Variants in GNAO1 observed in about 807,000 individuals in gnomAD.
GNAO1 encodes the protein guanine nucleotide-binding protein G(o) subunit alpha.
For missense variants in GNAO1, 166 were observed against 478.7 expected, an observed-to-expected ratio of 0.35 and a Z score of 6.10; for synonymous variants, 164 against 180.7, an observed-to-expected ratio of 0.91 and a Z score of 0.74.
At chr16:56,239,751 C>T (rs1337941021) in intron 2 of GNAO1, among the ~76,000 whole-genome samples, 1 of 152,190 alleles carries the variant, frequency 6.6e-6, no homozygotes, top group Non-Finnish European at 1.5e-5. Flanking sequence ...ACGCTAGATC[C>T]TTATAAATGT....
chr16:56,309,021 T>C (rs193184588), intron 3 of GNAO1, among the ~76,000 whole-genome samples: 2 of 152,164 alleles, frequency 1.3e-5, no homozygotes, highest in Admixed American at 1.3e-4. Flanking sequence ...TTTAGAGGCT[T>C]GGGAGGAAGC....
chr16:56,353,320 G>C (rs904608731), intron 7 of GNAO1: 14 of 152,272 alleles, frequency 9.2e-5, no homozygotes, highest in Non-Finnish European at 2.1e-4. Context: ...TGACTTGGGA[G>C]TGGCCAGTCT....
At chr16:56,288,857 C>T (rs1442378085) in intron 3 of GNAO1, among the ~76,000 whole-genome samples, 1 of 152,098 alleles carries the variant, frequency 6.6e-6, no homozygotes, top group African/African-American at 2.4e-5. Flanking sequence ...GACCTCAGGC[C>T]CATCCCTTAC....
intron 6 of GNAO1, among the ~76,000 whole-genome samples, chr16:56,343,303 A>G (rs1203642133): frequency 6.6e-6 from 1 of 151,362 alleles, no homozygotes; most frequent in African/African-American, 2.4e-5. Context: ...AGCCTGGCCA[A>G]CATAGTGAGA....
chr16:56,199,593 C>T (rs1414464741), intron 2 of GNAO1, among the ~76,000 whole-genome samples: 1 of 152,218 alleles, frequency 6.6e-6, no homozygotes, highest in African/African-American at 2.4e-5. Flanking sequence ...TTTTGATTCA[C>T]TCTCTCATTT....
intron 3 of GNAO1, among the ~76,000 whole-genome samples, chr16:56,291,590 C>T (rs2037232904): frequency 6.6e-6 from 1 of 152,164 alleles, no homozygotes; most frequent in African/African-American, 2.4e-5. Context: ...GAAGTCTCAC[C>T]TCATTCTGCC....
At chr16:56,334,563 C>A (rs2037721827) in intron 4 of GNAO1, among the ~76,000 whole-genome samples, 166 bp from the exon 5 acceptor site, 1 of 152,226 alleles carries the variant, frequency 6.6e-6, no homozygotes, top group Non-Finnish European at 1.5e-5. Flanking sequence ...AGACCCACTT[C>A]CTCAGTCGCC....
intron 5 of GNAO1, 89 bp downstream of exon 5, chr16:56,334,946 C>A: frequency 7.2e-7 from 1 of 1,396,114 alleles, no homozygotes; most frequent in South Asian, 1.2e-5. Context: ...AGCGCCCAAA[C>A]ATCATCCTGC....
chr16:56,277,244 C>T (rs1222943459), intron 3 of GNAO1, among the ~76,000 whole-genome samples: 1 of 152,166 alleles, frequency 6.6e-6, no homozygotes, highest in Non-Finnish European at 1.5e-5. Context: ...GCCCATCTGC[C>T]GCTCCTCCTG....
In GNAO1 at chr16:56,345,951, C is replaced by T. The variant is rs1011818719; in HGVS notation, c.724-5433C>T. ...AGGGCTCTCCATGTCCCCCAGCAGC[C>T]GCCCTCAGAACACAGTGGCCAGAGC... On this transcript the variant is annotated intron_variant, in intron 6 of 8. Coordinates refer to ENST00000262493, the MANE Select transcript of GNAO1 (RefSeq NM_020988.3). 22 of 985,428 alleles carry T rather than the reference C, an allele frequency of 2.2e-5. No individual in the cohort carries two copies. In the African/African-American group the frequency reaches 2.6e-4, roughly 12 times the overall value. 61.0% of individuals were successfully genotyped at this position (985,428 alleles called of 1,614,324 possible).
At chr16:56,256,716 CTCTGTGTGTGTGTGTGTG>C (rs1233993506) in intron 2 of GNAO1, among the ~76,000 whole-genome samples, 27 of 90,364 alleles carry the variant, frequency 3.0e-4, no homozygotes, top group East Asian at 2.0e-3. Context: ...CTCTCTCTCT[CTCTGTGTGTGTGTGTGTG>C]TGTGTGTGTG....
chr16:56,248,025 CAG>C (rs1342418665), intron 2 of GNAO1, among the ~76,000 whole-genome samples: 7 of 152,212 alleles, frequency 4.6e-5, no homozygotes, highest in Non-Finnish European at 8.8e-5. Flanking sequence ...TCTTTGGGGA[CAG>C]GGGATTTTGA....
At chr16:56,251,527 C>T (rs2036799868) in intron 2 of GNAO1, among the ~76,000 whole-genome samples, 2 of 152,140 alleles carry the variant, frequency 1.3e-5, no homozygotes, top group East Asian at 1.9e-4. Context: ...TCCCATTCTG[C>T]TGAAATGGGT....
chr16:56,284,850 G>T (rs1379497150), intron 3 of GNAO1, among the ~76,000 whole-genome samples: 2 of 152,244 alleles, frequency 1.3e-5, no homozygotes, highest in African/African-American at 4.8e-5. Context: ...GTCCAGGGAA[G>T]AAAGGATGAA....
chr16:56,344,887 G>T (rs1175539719), intron 6 of GNAO1: 1 of 985,356 alleles, frequency 1.0e-6, no homozygotes, highest in Non-Finnish European at 1.2e-6. Flanking sequence ...CAGAGGTCTA[G>T]AGGGGGTGGA....
intron 3 of GNAO1, among the ~76,000 whole-genome samples, chr16:56,304,933 G>A (rs1399055870): frequency 5.3e-5 from 8 of 152,254 alleles, no homozygotes; most frequent in Admixed American, 2.0e-4. Context: ...ATCAGCACTC[G>A]TTTCTCCAGT....
intron 4 of GNAO1, among the ~76,000 whole-genome samples, chr16:56,330,919 G>A (rs757480067): frequency 1.3e-5 from 2 of 152,310 alleles, no homozygotes; most frequent in East Asian, 1.9e-4. Flanking sequence ...TGGGCCTTCC[G>A]TGTCTCCCCT....
At chr16:56,253,748 C>T (rs1489407437) in intron 2 of GNAO1, among the ~76,000 whole-genome samples, 3 of 152,190 alleles carry the variant, frequency 2.0e-5, no homozygotes, top group Non-Finnish European at 4.4e-5. Context: ...TGCACTTTGC[C>T]ATCACATGGA....
At chr16:56,200,915 G>A (rs949449430) in intron 2 of GNAO1, among the ~76,000 whole-genome samples, 1 of 152,214 alleles carries the variant, frequency 6.6e-6, no homozygotes, top group South Asian at 2.1e-4. Context: ...TTGCAACAGA[G>A]AGAAGGCTCT....
Sources: allele counts gnomAD v4.1 joint callset (sites outside exome capture counted in the v4.1 genomes callset), GRCh38; gene constraint gnomAD v4.1.1; transcripts MANE v1.5; gene names NCBI Gene and HGNC (gene_info 2026-07-23, HGNC 2026-07-21).